Variants in RBMS3 observed in about 807,000 individuals in gnomAD.
The protein encoded by RBMS3 is RNA-binding motif, single-stranded-interacting protein 3.
Under a neutral mutation model 66.8 loss-of-function variants are expected in RBMS3, and 27 were observed. The observed-to-expected ratio is 0.40, with a 90% CI of 0.30 to 0.56. The LOEUF is 0.56. Ranked by LOEUF, RBMS3 falls within the 20% of genes least tolerant of loss-of-function variation. The pLI, the probability that RBMS3 is intolerant of heterozygous loss-of-function variation, is 0.40. For missense variants in RBMS3, 513 were observed against 549.5 expected, an observed-to-expected ratio of 0.93 and a Z score of 0.66; for synonymous variants, 188 against 183.0, an observed-to-expected ratio of 1.03 and a Z score of -0.22.
chr3:29,526,762 A>T (rs955179608), intron 3 of RBMS3, among the ~76,000 whole-genome samples: 3 of 152,040 alleles, frequency 2.0e-5, no homozygotes, highest in African/African-American at 7.2e-5. Flanking sequence ...AATAAGTCTA[A>T]TATGACCCAT....
Position 29,543,893 on chromosome 3 carries a change from T to G in RBMS3, c.308-43221T>G, listed in dbSNP as rs542198262. On this transcript the variant is annotated intron_variant, in intron 3 of 14. Transcript: ENST00000383767. ...TTGTAATATTCTTTAAAATAGAAAA[T>G]ATAATTATTGGGATAATTAGGATAT... Among the ~76,000 whole-genome samples the G allele has an allele frequency of 7.9e-5, 12 of 152,226 alleles. No homozygotes were observed. The South Asian group carries it at 2.5e-3, about 32-fold the overall frequency.
intron 4 of RBMS3, among the ~76,000 whole-genome samples, chr3:29,617,261 T>C (rs1414912612): frequency 6.6e-6 from 1 of 152,246 alleles, no homozygotes; most frequent in Admixed American, 6.5e-5. Context: ...ACTTCATTTT[T>C]GTGACTTGTA....
Position 29,590,381 on chromosome 3 carries a change from T to C in RBMS3, c.399+3176T>C, listed in dbSNP as rs192610940. Among the ~76,000 whole-genome samples the C allele has an allele frequency of 1.6e-3, 247 of 152,246 alleles. 1 individual carries two copies. The highest frequency in any genetic ancestry group is 5.8e-3 in the African/African-American group (241 of 41,576). ...AATTTAGTAAATGTTAGTTATTCAA[T>C]AAATATTGTTATACATTTAATTCAA... On this transcript the variant is annotated intron_variant, in intron 4 of 14. Transcript: ENST00000383767.
At chr3:29,689,723 A>G (rs1316223552) in intron 4 of RBMS3, among the ~76,000 whole-genome samples, 1 of 151,994 alleles carries the variant, frequency 6.6e-6, no homozygotes, top group Non-Finnish European at 1.5e-5. Context: ...AGACAAAAAT[A>G]ACTTTTATTA....
intron 5 of RBMS3, among the ~76,000 whole-genome samples, chr3:29,741,799 T>C (rs1414500320): frequency 1.3e-5 from 2 of 152,192 alleles, no homozygotes; most frequent in African/African-American, 4.8e-5. Context: ...TGGCTTCTTG[T>C]GACACCTTTC....
chr3:29,338,761 G>GTTA lies in RBMS3; in HGVS notation c.75+57019_75+57021dup, dbSNP rs968751321. Among the ~76,000 whole-genome samples, 3 of 130,758 alleles carry GTTA rather than the reference G, an allele frequency of 2.3e-5. No individual in the cohort carries two copies. In the Admixed American group the frequency reaches 2.9e-4, roughly 13 times the overall value. The allele number at this position is 130,758 out of a possible 152,430, so 85.8% of individuals were successfully genotyped here. A position where few individuals can be genotyped will look rare whatever the true frequency, so the allele number is the denominator to read the frequency against. Reference sequence around the variant, plus strand: ...CTCATCCTTATTCCATAAATAATTTGTTATTATTATTATTATATAAATAAT... The same window carrying GTTA: ...CTCATCCTTATTCCATAAATAATTTGTTATTATTATTATTATTATATAAATAAT... On this transcript the variant is annotated intron_variant, in intron 1 of 14. Coordinates refer to ENST00000383767, the MANE Select transcript of RBMS3 (RefSeq NM_001003793.3).
intron 1 of RBMS3, among the ~76,000 whole-genome samples, chr3:29,378,050 TAA>T (rs1009670527): frequency 9.2e-5 from 14 of 152,304 alleles, no homozygotes; most frequent in African/African-American, 3.4e-4. Context: ...AGCAAAAAGT[TAA>T]GAGAAAACTA....
intron 14 of RBMS3, among the ~76,000 whole-genome samples, chr3:29,994,863 TG>T (rs1212441322): frequency 2.0e-5 from 3 of 150,650 alleles, no homozygotes; most frequent in Admixed American, 2.0e-4. Flanking sequence ...AAACGCAGAG[TG>T]CCTCTCCTCC....
chr3:29,440,870 A>C (rs1410014218), intron 2 of RBMS3, among the ~76,000 whole-genome samples: 2 of 152,232 alleles, frequency 1.3e-5, no homozygotes, highest in Non-Finnish European at 2.9e-5. Flanking sequence ...ACCTTTTATC[A>C]GTTTAAAAGT....
intron 1 of RBMS3, among the ~76,000 whole-genome samples, chr3:29,313,074 C>T (rs1324571032): frequency 6.6e-6 from 1 of 151,744 alleles, no homozygotes; most frequent in Non-Finnish European, 1.5e-5. Context: ...TTCTTACCAT[C>T]TGTGGATCAT....
At chr3:29,381,935 C>T (rs577603076) in intron 1 of RBMS3, among the ~76,000 whole-genome samples, 1 of 152,154 alleles carries the variant, frequency 6.6e-6, no homozygotes, top group East Asian at 1.9e-4. Flanking sequence ...ATCTTTCTTT[C>T]CTTCCCTGTA....
At chr3:29,784,517 T>C (rs1350331544) in intron 6 of RBMS3, among the ~76,000 whole-genome samples, 1 of 151,980 alleles carries the variant, frequency 6.6e-6, no homozygotes, top group Non-Finnish European at 1.5e-5. Flanking sequence ...TATCAAAACC[T>C]CTGGGATACA....
chr3:29,995,547 C>A (rs955738132), intron 14 of RBMS3, among the ~76,000 whole-genome samples: 2 of 149,620 alleles, frequency 1.3e-5, no homozygotes, highest in African/African-American at 4.9e-5. Context: ...GGAAGCCCAT[C>A]AGACTAACAG....
intron 2 of RBMS3, among the ~76,000 whole-genome samples, chr3:29,483,525 G>A (rs1261575412): frequency 6.6e-6 from 1 of 151,958 alleles, no homozygotes; most frequent in East Asian, 1.9e-4. Context: ...GATTTCTGGG[G>A]GTGGAGTCTA....
chr3:29,848,846 A>G (rs1316401710), intron 6 of RBMS3, among the ~76,000 whole-genome samples: 1 of 152,224 alleles, frequency 6.6e-6, no homozygotes, highest in East Asian at 1.9e-4. Context: ...TCAAAAACAT[A>G]TGGGGACAAA....
At chr3:29,500,945 T>C (rs77056727) in intron 3 of RBMS3, among the ~76,000 whole-genome samples, 10,812 of 152,194 alleles carry the variant, frequency 0.071, 478 homozygotes, top group East Asian at 0.16. Flanking sequence ...CCTAAAAGTT[T>C]ATATTTTAGT....
chr3:29,743,341 C>A (rs1359621193), intron 5 of RBMS3, among the ~76,000 whole-genome samples: 7 of 152,340 alleles, frequency 4.6e-5, no homozygotes, highest in African/African-American at 1.7e-4. Context: ...GAGATGATTT[C>A]AGTCACCATT....
chr3:29,550,951 T>A (rs1192862426), intron 3 of RBMS3, among the ~76,000 whole-genome samples: 1 of 152,224 alleles, frequency 6.6e-6, no homozygotes, highest in Non-Finnish European at 1.5e-5. Context: ...GGGCAGATCA[T>A]GGAGAAGTGG....
intron 1 of RBMS3, among the ~76,000 whole-genome samples, chr3:29,423,135 G>A (rs551849687): frequency 1.1e-4 from 17 of 152,222 alleles, no homozygotes; most frequent in South Asian, 2.1e-4. Context: ...GCAGGGTTGC[G>A]GGGGTGGTTT....
Sources: gnomAD v4.1 joint callset for allele counts (sites outside exome capture counted in the v4.1 genomes callset) on GRCh38, gnomAD v4.1.1 for gene constraint, MANE v1.5 for transcripts, NCBI Gene and HGNC (gene_info 2026-07-23, HGNC 2026-07-21) for gene names.